Variants in TENM3 observed in about 807,000 individuals in gnomAD.
The protein encoded by TENM3 is teneurin transmembrane protein 3, also known as teneurin-3.
Under a neutral mutation model 255.1 loss-of-function variants are expected in TENM3, and 63 were observed. The ratio of observed to expected loss-of-function variants is 0.25; its 90% confidence interval spans 0.20 to 0.30. TENM3 has a LOEUF of 0.30. TENM3 is among the 10% of genes least tolerant of loss of function. The pLI, the probability that TENM3 is intolerant of heterozygous loss-of-function variation, is 1.00. For missense variants in TENM3, 2,929 were observed against 3,461.1 expected, an observed-to-expected ratio of 0.85 and a Z score of 3.86; for synonymous variants, 1,306 against 1,322.3, an observed-to-expected ratio of 0.99 and a Z score of 0.27.
the TENM3 span, among the ~76,000 whole-genome samples, chr4:181,654,178 A>G: frequency 1.3e-5 from 2 of 151,312 alleles, no homozygotes; most frequent in Non-Finnish European, 2.9e-5. Flanking sequence ...ATAAAGCTCA[A>G]TCATGTCAAT....
chr4:181,841,488 ACAT>A, the TENM3 span, among the ~76,000 whole-genome samples: 82 of 152,264 alleles, frequency 5.4e-4, no homozygotes, highest in Non-Finnish European at 1.0e-3. Flanking sequence ...TTGTTCCCAT[ACAT>A]CATCAAGTTT....
chr4:181,636,631 C>G, the TENM3 span, among the ~76,000 whole-genome samples: 1 of 152,154 alleles, frequency 6.6e-6, no homozygotes, highest in Non-Finnish European at 1.5e-5. Context: ...CTTGATGTAC[C>G]CACACTCCAC....
chr4:182,704,518 C>G (rs1191583251), intron 12 of TENM3, among the ~76,000 whole-genome samples: 1 of 152,182 alleles, frequency 6.6e-6, no homozygotes, highest in African/African-American at 2.4e-5. Flanking sequence ...CAAAGCAGCT[C>G]TTCCATAGAA....
At chr4:181,668,920 T>A in the TENM3 span, among the ~76,000 whole-genome samples, 1 of 152,184 alleles carries the variant, frequency 6.6e-6, no homozygotes, top group Non-Finnish European at 1.5e-5. Flanking sequence ...TGGACACATT[T>A]TCATTTTGTT....
rs565358627 is a variant in TENM3 at position 182,496,107 on chromosome 4, A to G, written c.512-104817A>G. Among the ~76,000 whole-genome samples the G allele has an allele frequency of 2.6e-5, 4 of 152,308 alleles. No individual in the cohort carries two copies. In the South Asian group the frequency reaches 8.3e-4, roughly 32 times the overall value. ...ATTCAGCATTTTCTTATTGCATGAT[A>G]GAATTAAAGTTTGTGTATATGTCCG... On this transcript the variant is annotated intron_variant, in intron 3 of 27. Transcript: ENST00000511685.
chr4:182,606,331 C>T (rs62339122), intron 4 of TENM3, among the ~76,000 whole-genome samples: 49,071 of 151,606 alleles, frequency 0.32, 9,655 homozygotes, highest in East Asian at 0.66. Flanking sequence ...TGAGACCAGC[C>T]TGGCCAACAT....
At chr4:181,589,676 G>A in the TENM3 span, among the ~76,000 whole-genome samples, 1 of 152,136 alleles carries the variant, frequency 6.6e-6, no homozygotes, top group Non-Finnish European at 1.5e-5. Flanking sequence ...TTTCACACAG[G>A]AGCCTTCATA....
intron 4 of TENM3, among the ~76,000 whole-genome samples, chr4:182,623,204 G>A (rs561259386): frequency 1.3e-5 from 2 of 151,554 alleles, no homozygotes; most frequent in African/African-American, 4.8e-5. Context: ...TAGTAGAGAC[G>A]GGGTTTCACT....
At chr4:182,132,854 C>T in the TENM3 span, among the ~76,000 whole-genome samples, 1 of 152,090 alleles carries the variant, frequency 6.6e-6, no homozygotes, top group Non-Finnish European at 1.5e-5. Flanking sequence ...TGTAATTAAT[C>T]CTGGCTCTTC....
chr4:181,740,561 G>C, the TENM3 span, among the ~76,000 whole-genome samples: 5 of 151,812 alleles, frequency 3.3e-5, no homozygotes, highest in Middle Eastern at 3.4e-3. Context: ...ACAACAAAAT[G>C]AACAGAAGTA....
the TENM3 span, among the ~76,000 whole-genome samples, chr4:181,605,409 G>T: frequency 6.7e-6 from 1 of 149,278 alleles, no homozygotes; most frequent in South Asian, 2.1e-4. Context: ...GCCCCACGAC[G>T]CTCCAGCCTG....
chr4:182,415,910 G>A (rs1770325327), intron 3 of TENM3, among the ~76,000 whole-genome samples: 1 of 151,930 alleles, frequency 6.6e-6, no homozygotes, highest in Admixed American at 6.6e-5. Context: ...CAGTTTCTTG[G>A]CATGTATATC....
chr4:181,536,196 T>C, the TENM3 span, among the ~76,000 whole-genome samples: 14 of 152,234 alleles, frequency 9.2e-5, no homozygotes, highest in Non-Finnish European at 1.3e-4. Flanking sequence ...TTAGTGTCTT[T>C]CCATTTCTAC....
At chr4:181,605,548 A>AAG in the TENM3 span, among the ~76,000 whole-genome samples, 88 of 32,002 alleles carry the variant, frequency 2.7e-3, 5 homozygotes, top group African/African-American at 6.3e-3. Context: ...GAAAGAAAGA[A>AAG]AGAAAGAAAG....
At chr4:181,939,571 A>G in the TENM3 span, among the ~76,000 whole-genome samples, 5 of 152,216 alleles carry the variant, frequency 3.3e-5, no homozygotes, top group Non-Finnish European at 4.4e-5. Context: ...AAGCAAAACA[A>G]AATTGTTTTC....
intron 3 of TENM3, among the ~76,000 whole-genome samples, chr4:182,570,632 G>A (rs749089142): frequency 3.9e-5 from 6 of 151,974 alleles, no homozygotes; most frequent in Admixed American, 3.9e-4. Context: ...GGCGGATCAC[G>A]AGGTCAGGAG....
chr4:181,741,644 C>T, the TENM3 span, among the ~76,000 whole-genome samples: 6 of 152,076 alleles, frequency 3.9e-5, no homozygotes, highest in East Asian at 3.9e-4. Flanking sequence ...TTTCTTTGTA[C>T]GTGTTGGATG....
chr4:181,971,954 G>C, the TENM3 span, among the ~76,000 whole-genome samples: 1 of 151,882 alleles, frequency 6.6e-6, no homozygotes, highest in Admixed American at 6.6e-5. Flanking sequence ...TATCGGCAAC[G>C]TCTCTCCTAC....
At chr4:182,700,563 C>G (rs1051794867) in intron 12 of TENM3, among the ~76,000 whole-genome samples, 1 of 152,186 alleles carries the variant, frequency 6.6e-6, no homozygotes, top group African/African-American at 2.4e-5. Flanking sequence ...CAGTGACCCT[C>G]TCTTTTTTGA....
Sources: allele counts gnomAD v4.1 joint callset (sites outside exome capture counted in the v4.1 genomes callset), GRCh38; gene constraint gnomAD v4.1.1; transcripts MANE v1.5; gene names NCBI Gene and HGNC (gene_info 2026-07-23, HGNC 2026-07-21).